ST7: variants seen among roughly 807,000 people sequenced by gnomAD.
ST7 encodes suppression of tumorigenicity 7.
A neutral mutation model predicts 78.7 loss-of-function variants in ST7; 28 were observed. That is an observed-to-expected ratio of 0.36 (90% CI 0.26 to 0.49). The LOEUF is 0.49. Ranked by LOEUF, ST7 falls within the 20% of genes least tolerant of loss-of-function variation. The pLI, the probability that ST7 is intolerant of heterozygous loss-of-function variation, is 0.99. For synonymous variants in ST7, 247 were observed against 249.6 expected (o/e 0.99, Z 0.10); for missense variants, 418 against 696.0 (o/e 0.60, Z 4.49).
intron 1 of ST7, among the ~76,000 whole-genome samples, chr7:116,995,652 T>TA (rs1328157065): frequency 2.6e-5 from 4 of 152,294 alleles, no homozygotes; most frequent in Non-Finnish European, 5.9e-5. Context: ...TCATTCCTGC[T>TA]ATTCAGCTCC....
At chr7:117,035,907 A>G (rs1349943064) in intron 1 of ST7, among the ~76,000 whole-genome samples, 1 of 152,196 alleles carries the variant, frequency 6.6e-6, no homozygotes, top group Non-Finnish European at 1.5e-5. Flanking sequence ...ATGAATCAAT[A>G]AATTTTTGCT....
intron 2 of ST7, among the ~76,000 whole-genome samples, chr7:117,114,278 AAG>A (rs1802670673): frequency 6.6e-6 from 1 of 152,174 alleles, no homozygotes; most frequent in African/African-American, 2.4e-5. Flanking sequence ...AGGACTTTGA[AAG>A]AGTCAATATG....
chr7:117,199,391 G>A (rs1312494370), intron 12 of ST7, among the ~76,000 whole-genome samples: 1 of 152,136 alleles, frequency 6.6e-6, no homozygotes, highest in Non-Finnish European at 1.5e-5. Context: ...AGGCTCTCAT[G>A]CCCTCAGAAG....
chr7:117,099,876 A>C, intron 2 of ST7, 32 bp downstream of exon 2: 2 of 1,548,396 alleles, frequency 1.3e-6, no homozygotes, highest in South Asian at 2.3e-5. Flanking sequence ...ATTTAAAAAC[A>C]TGCTGATTAG....
intron 15 of ST7, among the ~76,000 whole-genome samples, chr7:117,228,731 A>G (rs994116479): frequency 3.3e-5 from 5 of 152,214 alleles, no homozygotes; most frequent in East Asian, 1.9e-4. Context: ...CCTCAGAACT[A>G]TGATCCCCTC....
intron 13 of ST7, among the ~76,000 whole-genome samples, chr7:117,210,317 T>C (rs1792177668): frequency 6.6e-6 from 1 of 152,200 alleles, no homozygotes; most frequent in Admixed American, 6.5e-5. Context: ...ATGGCCTTTG[T>C]GGGAGGGTTG....
At chr7:117,080,125 C>T (rs898021930) in intron 1 of ST7, among the ~76,000 whole-genome samples, 50 of 150,636 alleles carry the variant, frequency 3.3e-4, no homozygotes, top group African/African-American at 1.2e-3. Flanking sequence ...GGACTACAGG[C>T]GCCCGCCACT....
chr7:117,209,829 A>C lies in ST7; in HGVS notation c.1297A>C (p.Ile433Leu). The change falls in exon 13 of 16, where the codon ATC becomes CTC. Residue 433 changes from isoleucine (I) to leucine (L), a missense_variant. Ile to Leu is a conservative substitution (Grantham distance 5). Around this residue, in one of 4 missense-constraint regions of ST7, gnomAD observed 288 missense variants for 537.1 expected, o/e 0.54. Transcript: ENST00000323984. ...MKSLILPPEH[I>L]LKRGDSEAIA... is the part of the protein sequence containing the mutation. ...AAGCTTAATCCTACCCCCAGAACAT[A>C]TCCTGAAGAGAGGAGACAGTGAAGC... 6.2e-7 allele frequency: 1 copy of C among 1,614,094 alleles called. No homozygotes were observed. The highest frequency in any genetic ancestry group is 8.5e-7 in the Non-Finnish European group (1 of 1,180,004).
chr7:117,083,187 G>A (rs1799912249), intron 1 of ST7, among the ~76,000 whole-genome samples: 1 of 152,034 alleles, frequency 6.6e-6, no homozygotes, highest in Non-Finnish European at 1.5e-5. Flanking sequence ...AGCTTCCAGA[G>A]TAGCTAGGAT....
intron 10 of ST7, among the ~76,000 whole-genome samples, chr7:117,179,622 T>C (rs1008515050): frequency 1.3e-5 from 2 of 151,682 alleles, no homozygotes; most frequent in African/African-American, 2.4e-5. Flanking sequence ...TTTGGAGAAT[T>C]GTCTGTATCC....
intron 2 of ST7, among the ~76,000 whole-genome samples, chr7:117,110,386 C>G (rs1802330899): frequency 6.6e-6 from 1 of 152,192 alleles, no homozygotes; most frequent in African/African-American, 2.4e-5. Flanking sequence ...ATGCCAGGCA[C>G]TGATCTAAAG....
chr7:117,215,787 A>T lies in ST7; in HGVS notation c.1406-3297A>T, dbSNP rs192571623. 1.2e-3 allele frequency among the ~76,000 whole-genome samples: 179 copies of T among 152,298 alleles called. 1 individual carries two copies. Among genetic ancestry groups the T allele is most frequent in the African/African-American group, 4.2e-3 (174 of 41,562 alleles). ...CTTCTGGCACTTGGTGGTGAGCTCC[A>T]TGAGGGCAGGGGCAGTGTGTGCTGG... On this transcript the variant is annotated intron_variant, in intron 13 of 15. Coordinates refer to ENST00000323984, the MANE Select transcript of ST7 (RefSeq NM_001369598.1).
chr7:117,198,447 A>G, intron 12 of ST7: 1 of 359,888 alleles, frequency 2.8e-6, no homozygotes, highest in East Asian at 8.5e-5. Flanking sequence ...GAGGACCCTC[A>G]GTGTCCCTTC....
chr7:117,083,673 TAG>T (rs1206871406), intron 1 of ST7, among the ~76,000 whole-genome samples: 1 of 152,182 alleles, frequency 6.6e-6, no homozygotes, highest in Non-Finnish European at 1.5e-5. Flanking sequence ...GCACACAATA[TAG>T]AGTTATGATA....
intron 1 of ST7, among the ~76,000 whole-genome samples, chr7:116,957,432 A>G (rs565794238): frequency 1.1e-4 from 16 of 152,150 alleles, no homozygotes; most frequent in Admixed American, 5.2e-4. Context: ...TCCTGGGCTT[A>G]AGGGATCCTC....
chr7:117,175,991 C>T (rs1808316683), intron 10 of ST7, among the ~76,000 whole-genome samples: 1 of 152,050 alleles, frequency 6.6e-6, no homozygotes, highest in Non-Finnish European at 1.5e-5. Flanking sequence ...TTGATAAGAA[C>T]TAAAATTCTT....
intron 1 of ST7, among the ~76,000 whole-genome samples, chr7:117,011,758 T>A (rs1464753358): frequency 6.6e-6 from 1 of 152,218 alleles, no homozygotes; most frequent in Non-Finnish European, 1.5e-5. Flanking sequence ...GAAGAACTTC[T>A]GACTTAGGTG....
intron 1 of ST7, among the ~76,000 whole-genome samples, chr7:117,063,540 C>T (rs921708871): frequency 2.0e-4 from 30 of 152,184 alleles, no homozygotes; most frequent in Middle Eastern, 3.4e-3. Flanking sequence ...GAAAGCCTAT[C>T]TCTACAAAAA....
chr7:117,093,697 T>C (rs924464022), intron 1 of ST7, among the ~76,000 whole-genome samples: 3 of 151,786 alleles, frequency 2.0e-5, no homozygotes, highest in African/African-American at 4.8e-5. Context: ...TGAGACTCCG[T>C]CTCAAAAAAA....
Sources: gnomAD v4.1 joint callset for allele counts (sites outside exome capture counted in the v4.1 genomes callset) on GRCh38, gnomAD v4.1.1 for gene constraint, gnomAD v4.1.1 regional missense constraint, MANE v1.5 for transcripts, NCBI Gene and HGNC (gene_info 2026-07-23, HGNC 2026-07-21) for gene names.